The following PTPRQ variants were observed in gnomAD, a reference collection of about 807,000 sequenced individuals.
The protein encoded by PTPRQ is protein tyrosine phosphatase receptor type Q, also known as phosphatidylinositol phosphatase PTPRQ.
A neutral mutation model predicts 246.0 loss-of-function variants in PTPRQ; 199 were observed. That is an observed-to-expected ratio of 0.81 (90% CI 0.72 to 0.91). PTPRQ has a LOEUF of 0.91. Among genes scored for constraint, PTPRQ ranks in the 40% least tolerant of loss-of-function variants. The pLI is 0.00. For missense variants in PTPRQ, 2,624 were observed against 2,528.4 expected (o/e 1.04, Z -0.81); for synonymous variants, 869 against 853.2 (o/e 1.02, Z -0.32).
chr12:80,549,405 A>G, intron 24 of PTPRQ, 60 bp from the exon 25 acceptor site: 1 of 1,454,696 alleles, frequency 6.9e-7, no homozygotes, highest in Non-Finnish European at 9.1e-7. Flanking sequence ...ACGTAATTCA[A>G]TCAATTATCT....
intron 35 of PTPRQ, among the ~76,000 whole-genome samples, chr12:80,643,166 G>A (rs1175437408): frequency 2.0e-5 from 3 of 152,016 alleles, no homozygotes; most frequent in Non-Finnish European, 4.4e-5. Context: ...GGCCAGGCGC[G>A]GTGGCTCATG....
At chr12:80,546,397 C>A (rs1289104380) in intron 23 of PTPRQ, among the ~76,000 whole-genome samples, 159 bp from the exon 24 acceptor site, 1 of 152,018 alleles carries the variant, frequency 6.6e-6, no homozygotes, top group Non-Finnish European at 1.5e-5. Context: ...CACTCTATGG[C>A]ACAAAATAAA....
rs932886457 is a variant in PTPRQ, at chr12:80,567,571, T to G, written c.4285+17837T>G. On this transcript the variant is annotated intron_variant, in intron 25 of 44. Coordinates refer to ENST00000644991, the MANE Select transcript of PTPRQ (RefSeq NM_001145026.2). ...ATTAGTTTCACTTGTTCTTAAGCTGTCTGTGTTCTCTTATGCTAGGTGGCC... is the reference window on the plus strand; with the variant it reads ...ATTAGTTTCACTTGTTCTTAAGCTGGCTGTGTTCTCTTATGCTAGGTGGCC... Among the ~76,000 whole-genome samples, 15 of 152,222 alleles carry G rather than the reference T, an allele frequency of 9.9e-5. 1 individual carries two copies. The highest frequency in any genetic ancestry group is 3.4e-4 in the African/African-American group (14 of 41,462).
chr12:80,618,197 G>C (rs189121961), intron 30 of PTPRQ, among the ~76,000 whole-genome samples: 1 of 151,526 alleles, frequency 6.6e-6, no homozygotes, highest in African/African-American at 2.4e-5. Flanking sequence ...AATGTTGATA[G>C]TTATCTTTGA....
intron 23 of PTPRQ, 144 bp downstream of exon 23, chr12:80,543,025 CT>C: frequency 1.6e-6 from 1 of 632,508 alleles, no homozygotes; most frequent in Non-Finnish European, 2.5e-6. Context: ...TTTAAGGATG[CT>C]TATGGAAAAC....
At chr12:80,610,709 G>T in intron 28 of PTPRQ, 84 bp downstream of exon 28, 1 of 1,466,858 alleles carries the variant, frequency 6.8e-7, no homozygotes, top group South Asian at 1.4e-5. Flanking sequence ...ACCAAAAAAG[G>T]ATATGTGTTA....
chr12:80,677,706 T>C (rs761492886), intron 43 of PTPRQ, among the ~76,000 whole-genome samples: 1 of 152,150 alleles, frequency 6.6e-6, no homozygotes, highest in Non-Finnish European at 1.5e-5. Flanking sequence ...ACAATTTCAA[T>C]AGAGGAGTTC....
intron 43 of PTPRQ, among the ~76,000 whole-genome samples, chr12:80,675,362 G>A (rs1281057040): frequency 1.3e-5 from 2 of 151,916 alleles, no homozygotes; most frequent in Non-Finnish European, 2.9e-5. Flanking sequence ...TTTATCAAGG[G>A]GTCTTATGAA....
At position 80,649,324 on chromosome 12, in the gene PTPRQ, A is replaced by T. The variant is rs12304886; in HGVS notation, c.5943-264A>T. ...TCATGCCCTTACATTTACTTGAAAA[A>T]TTTTCTTCATTAAAATGCTAAATCC... On this transcript the variant is annotated intron_variant, in intron 36 of 44. Coordinates refer to ENST00000644991, the MANE Select transcript of PTPRQ (RefSeq NM_001145026.2). 0.086 allele frequency among the ~76,000 whole-genome samples: 13,052 copies of T among 152,128 alleles called. 745 individuals carry two copies. The highest frequency in any genetic ancestry group is 0.19 in the South Asian group (893 of 4,826).
intron 33 of PTPRQ, among the ~76,000 whole-genome samples, chr12:80,624,281 C>T (rs973778507): frequency 6.6e-6 from 1 of 152,162 alleles, no homozygotes; most frequent in South Asian, 2.1e-4. Flanking sequence ...GGGATAGTGA[C>T]AAGGAAGGGT....
chr12:80,658,818 T>C (rs906522880), intron 39 of PTPRQ, among the ~76,000 whole-genome samples: 3 of 152,050 alleles, frequency 2.0e-5, no homozygotes, highest in African/African-American at 4.8e-5. Context: ...TTTCCTCTGC[T>C]GCCCACACTC....
At chr12:80,657,106 TAAG>T (rs1013989397) in intron 38 of PTPRQ, among the ~76,000 whole-genome samples, 4 of 151,782 alleles carry the variant, frequency 2.6e-5, no homozygotes, top group Admixed American at 1.3e-4. Flanking sequence ...AATGACAAAC[TAAG>T]AAGAAAATTT....
chr12:80,478,533 C>T (rs1893907716), intron 8 of PTPRQ, among the ~76,000 whole-genome samples: 3 of 152,148 alleles, frequency 2.0e-5, no homozygotes, highest in African/African-American at 2.4e-5. Context: ...GGACGGAGAA[C>T]GACTTTGACG....
At chr12:80,606,818 G>A (rs1286863523) in intron 27 of PTPRQ, among the ~76,000 whole-genome samples, 1 of 150,808 alleles carries the variant, frequency 6.6e-6, no homozygotes, top group Non-Finnish European at 1.5e-5. Flanking sequence ...ATTTTAGTAT[G>A]TAATTAGCCA....
chr12:80,445,089 G>A (rs1330300905), intron 2 of PTPRQ, among the ~76,000 whole-genome samples: 1 of 151,864 alleles, frequency 6.6e-6, no homozygotes, highest in Non-Finnish European at 1.5e-5. Flanking sequence ...ATAGATCAGA[G>A]AGACTGTTAA....
At chr12:80,582,672 T>C (rs542126455) in intron 25 of PTPRQ, among the ~76,000 whole-genome samples, 11 of 152,282 alleles carry the variant, frequency 7.2e-5, no homozygotes, top group Admixed American at 3.3e-4. Flanking sequence ...AAATTTCTGT[T>C]GTTTGTAAAT....
chr12:80,648,267 G>C (rs113832200), intron 35 of PTPRQ, among the ~76,000 whole-genome samples: 5 of 151,754 alleles, frequency 3.3e-5, no homozygotes, highest in Middle Eastern at 3.4e-3. Context: ...TGTGCATGAC[G>C]TAAGTGTTAT....
chr12:80,502,999 T>G (rs973502491), intron 14 of PTPRQ, among the ~76,000 whole-genome samples: 1 of 151,760 alleles, frequency 6.6e-6, no homozygotes, highest in Non-Finnish European at 1.5e-5. Flanking sequence ...GACAGAGGTA[T>G]TACCAGTTGT....
At chr12:80,457,454 A>C in intron 3 of PTPRQ, 121 bp from the exon 4 acceptor site, 1 of 397,346 alleles carries the variant, frequency 2.5e-6, no homozygotes. Flanking sequence ...CTTCCTTGAG[A>C]GTATTAAAAA....
Sources: allele counts gnomAD v4.1 joint callset (sites outside exome capture counted in the v4.1 genomes callset), GRCh38; gene constraint gnomAD v4.1.1; transcripts MANE v1.5; gene names NCBI Gene and HGNC (gene_info 2026-07-23, HGNC 2026-07-21).